The following NRXN3 variants were observed in gnomAD, a reference collection of about 807,000 sequenced individuals.
NRXN3 encodes neurexin III.
Under a neutral mutation model 137.6 loss-of-function variants are expected in NRXN3, and 32 were observed. That is an observed-to-expected ratio of 0.23 (90% CI 0.18 to 0.31). The LOEUF (loss-of-function observed/expected upper bound fraction) is 0.31. Ranked by LOEUF, NRXN3 falls within the 10% of genes least tolerant of loss-of-function variation. The pLI, the probability that NRXN3 is intolerant of heterozygous loss-of-function variation, is 1.00. For synonymous variants in NRXN3, 798 were observed against 784.5 expected, an observed-to-expected ratio of 1.02 and a Z score of -0.29; for missense variants, 1,574 against 2,062.5, an observed-to-expected ratio of 0.76 and a Z score of 4.59.
At chr14:79,403,213 C>G (rs981373427) in intron 15 of NRXN3, among the ~76,000 whole-genome samples, 1 of 152,028 alleles carries the variant, frequency 6.6e-6, no homozygotes, top group Non-Finnish European at 1.5e-5. Flanking sequence ...ATGAATTACC[C>G]CAAAGCCACA....
chr14:78,180,719 C>T (rs1316495007), intron 1 of NRXN3, among the ~76,000 whole-genome samples: 1 of 152,152 alleles, frequency 6.6e-6, no homozygotes. Flanking sequence ...AGGATGGACC[C>T]TCTGGCTAGA....
chr14:79,836,053 G>A (rs1425090782), intron 20 of NRXN3, among the ~76,000 whole-genome samples: 1 of 152,078 alleles, frequency 6.6e-6, no homozygotes, highest in African/African-American at 2.4e-5. Flanking sequence ...TCCAATTCCC[G>A]ACTCTGCATC....
intron 2 of NRXN3, among the ~76,000 whole-genome samples, chr14:78,251,395 G>T (rs1247785936): frequency 2.0e-5 from 3 of 152,160 alleles, no homozygotes; most frequent in Non-Finnish European, 4.4e-5. Context: ...CAGTTGCACG[G>T]GTCCCTTCTA....
chr14:79,344,582 G>A (rs961015414), intron 15 of NRXN3, among the ~76,000 whole-genome samples: 1 of 151,926 alleles, frequency 6.6e-6, no homozygotes, highest in Non-Finnish European at 1.5e-5. Flanking sequence ...TTTATGCCAT[G>A]GTTATAGATC....
intron 15 of NRXN3, among the ~76,000 whole-genome samples, chr14:79,386,472 A>G (rs1487932469): frequency 2.0e-5 from 3 of 152,188 alleles, no homozygotes; most frequent in Admixed American, 1.3e-4. Context: ...AAATGGAAGA[A>G]CATTCCATGC....
At chr14:79,494,664 A>T (rs1402183091) in intron 16 of NRXN3, among the ~76,000 whole-genome samples, 1 of 152,176 alleles carries the variant, frequency 6.6e-6, no homozygotes, top group Non-Finnish European at 1.5e-5. Flanking sequence ...ATAGTTTTTT[A>T]AACTTTTTAT....
chr14:79,026,769 A>G (rs557935247), intron 15 of NRXN3, among the ~76,000 whole-genome samples: 6 of 152,060 alleles, frequency 3.9e-5, no homozygotes, highest in African/African-American at 1.2e-4. Context: ...TTGTGGGCCC[A>G]TCAGCTCTAC....
intron 15 of NRXN3, among the ~76,000 whole-genome samples, chr14:79,145,428 A>G (rs2059214381): frequency 1.3e-5 from 2 of 152,274 alleles, no homozygotes; most frequent in East Asian, 3.9e-4. Flanking sequence ...GATACTCAGA[A>G]TAGATAGTAA....
chr14:79,231,917 G>A (rs1597566387), intron 15 of NRXN3, among the ~76,000 whole-genome samples: 2 of 152,068 alleles, frequency 1.3e-5, no homozygotes, highest in South Asian at 4.2e-4. Flanking sequence ...GATAGGAGAG[G>A]GAAGTTGAGA....
At chr14:79,811,621 G>T (rs1003422951) in intron 20 of NRXN3, among the ~76,000 whole-genome samples, 16 of 126,408 alleles carry the variant, frequency 1.3e-4, no homozygotes, top group Admixed American at 1.0e-4. Context: ...TCACTCTGTC[G>T]CCCAGGCTGG....
chr14:78,313,633 G>A (rs1355037653), intron 4 of NRXN3, among the ~76,000 whole-genome samples: 1 of 152,080 alleles, frequency 6.6e-6, no homozygotes, highest in Non-Finnish European at 1.5e-5. Context: ...GATAAACTGA[G>A]CTTTGTCTGA....
chr14:79,354,178 A>T (rs1423688815), intron 15 of NRXN3, among the ~76,000 whole-genome samples: 1 of 152,206 alleles, frequency 6.6e-6, no homozygotes, highest in African/African-American at 2.4e-5. Flanking sequence ...GAGATGCAAC[A>T]TAAATAATAG....
At chr14:79,001,308 T>C (rs1483642193) in intron 15 of NRXN3, among the ~76,000 whole-genome samples, 1 of 152,170 alleles carries the variant, frequency 6.6e-6, no homozygotes, top group African/African-American at 2.4e-5. Flanking sequence ...CTTGCCCAAA[T>C]ACCATTTTTA....
intron 15 of NRXN3, among the ~76,000 whole-genome samples, chr14:79,191,381 C>T (rs1404343898): frequency 6.6e-6 from 1 of 152,186 alleles, no homozygotes; most frequent in Non-Finnish European, 1.5e-5. Flanking sequence ...GGCAGTTCTG[C>T]AGGGAGGCAT....
chr14:78,540,491 A>G (rs184041479), intron 4 of NRXN3, among the ~76,000 whole-genome samples: 2 of 105,426 alleles, frequency 1.9e-5, no homozygotes, highest in African/African-American at 7.6e-5. Flanking sequence ...CCATTCCTCT[A>G]TTTTGAGCCT....
intron 15 of NRXN3, among the ~76,000 whole-genome samples, chr14:79,025,297 C>T (rs1157848836): frequency 1.3e-5 from 2 of 152,150 alleles, no homozygotes; most frequent in Non-Finnish European, 2.9e-5. Flanking sequence ...TAGTTAAATA[C>T]TACTTTGACA....
chr14:78,407,359 CT>C (rs1263191498), intron 4 of NRXN3, among the ~76,000 whole-genome samples: 3 of 152,162 alleles, frequency 2.0e-5, no homozygotes, highest in Non-Finnish European at 2.9e-5. Flanking sequence ...ACTAAGCCCC[CT>C]ATCAAGGTGT....
chr14:78,862,263 G>GATAC (rs1267821563), intron 10 of NRXN3, among the ~76,000 whole-genome samples: 1 of 151,904 alleles, frequency 6.6e-6, no homozygotes, highest in East Asian at 1.9e-4. Context: ...TAGATAGATA[G>GATAC]ATAGATAAAT....
intron 1 of NRXN3, among the ~76,000 whole-genome samples, chr14:78,227,210 G>A (rs950320358): frequency 1.3e-5 from 2 of 152,224 alleles, no homozygotes; most frequent in African/African-American, 4.8e-5. Context: ...ATACTAATCA[G>A]TGTGATATAT....
Sources: gnomAD v4.1 joint callset for allele counts (sites outside exome capture counted in the v4.1 genomes callset) on GRCh38, gnomAD v4.1.1 for gene constraint, MANE v1.5 for transcripts, NCBI Gene and HGNC (gene_info 2026-07-23, HGNC 2026-07-21) for gene names.